The following DDX60L variants were observed in gnomAD, a reference collection of about 807,000 sequenced individuals.
DDX60L encodes the protein probable ATP-dependent RNA helicase DDX60-like.
Under a neutral mutation model 211.6 loss-of-function variants are expected in DDX60L, and 191 were observed. That is an observed-to-expected ratio of 0.90 (90% CI 0.80 to 1.02). The LOEUF (loss-of-function observed/expected upper bound fraction) is 1.02. Among genes scored for constraint, DDX60L ranks in the 50% least tolerant of loss-of-function variants. The probability of loss-of-function intolerance (pLI) is 0.00; values close to 1 mark genes in which losing one functional copy is unlikely to be tolerated. For missense variants in DDX60L, 2,007 were observed against 1,984.1 expected (o/e 1.01, Z -0.22); for synonymous variants, 706 against 694.1 (o/e 1.02, Z -0.27).
At chr4:168,464,925 A>G (rs62336672) in intron 4 of DDX60L, among the ~76,000 whole-genome samples, 20,234 of 152,026 alleles carry the variant, frequency 0.13, 1,874 homozygotes, top group Non-Finnish European at 0.19. Flanking sequence ...TTGTTTCCAT[A>G]TGTTGGCTAT....
intron 24 of DDX60L, among the ~76,000 whole-genome samples, chr4:168,405,012 AT>A (rs138575847): frequency 0.26 from 37,258 of 145,320 alleles, 4,440 homozygotes; most frequent in Middle Eastern, 0.29. Context: ...CATCAGTATC[AT>A]TTTTTTTTTT....
At chr4:168,419,638 T>A (rs1479524684) in intron 18 of DDX60L, among the ~76,000 whole-genome samples, 1 of 152,222 alleles carries the variant, frequency 6.6e-6, no homozygotes, top group African/African-American at 2.4e-5. Flanking sequence ...ATGTCTACTT[T>A]GTGAATTCAA....
Position 168,472,665 on chromosome 4 carries a change from T to C in DDX60L, c.4+31A>G, listed in dbSNP as rs370753408. On this transcript the variant is annotated intron_variant, in intron 2 of 37. Coordinates refer to ENST00000682922, the MANE Select transcript of DDX60L (RefSeq NM_001012967.3). ...AATATCTTACAAGATTGTTGCTTTA[T>C]AGGCTACAAATATCAAAGATTGAGA... 204 of 1,612,744 alleles carry C rather than the reference T, an allele frequency of 1.3e-4. No individual in the cohort carries two copies. The African/African-American group carries it at 1.8e-3, about 14-fold the overall frequency.
At chr4:168,368,105 T>C (rs1480225265) in intron 36 of DDX60L, among the ~76,000 whole-genome samples, 1 of 152,210 alleles carries the variant, frequency 6.6e-6, no homozygotes, top group African/African-American at 2.4e-5. Context: ...CTAACGTTAA[T>C]CCCCAAGACA....
chr4:168,415,525 C>A lies in DDX60L; in HGVS notation c.2870-8G>T. On this transcript the variant is annotated splice_region_variant and splice_polypyrimidine_tract_variant and intron_variant, in intron 21 of 37. Transcript: ENST00000682922. ...ATCTCTCTCCACAGAGCACTAGATACGAAGAGCAAGAATATCCAAATTAAT... is the reference window on the plus strand; with the variant it reads ...ATCTCTCTCCACAGAGCACTAGATAAGAAGAGCAAGAATATCCAAATTAAT... 1 of 1,539,260 alleles carries A rather than the reference C, an allele frequency of 6.5e-7. No individual in the cohort carries two copies. The highest frequency in any genetic ancestry group is 8.9e-7 in the Non-Finnish European group (1 of 1,122,510).
intron 7 of DDX60L, among the ~76,000 whole-genome samples, chr4:168,453,672 G>A (rs1185819734): frequency 6.6e-6 from 1 of 152,160 alleles, no homozygotes; most frequent in Admixed American, 6.6e-5. Context: ...CAATCTATCT[G>A]TAAAACGTAT....
intron 19 of DDX60L, among the ~76,000 whole-genome samples, chr4:168,417,143 A>T (rs1165843501): frequency 6.6e-6 from 1 of 152,154 alleles, no homozygotes; most frequent in Non-Finnish European, 1.5e-5. Flanking sequence ...CTTTCTTCAC[A>T]TCATAGCCCT....
chr4:168,454,758 CT>C lies in DDX60L; in HGVS notation c.837+1280del, dbSNP rs767461447. 7.8e-3 allele frequency among the ~76,000 whole-genome samples: 695 copies of C among 88,612 alleles called. 38 individuals carry two copies. Among genetic ancestry groups the C allele is most frequent in the Non-Finnish European group, 9.6e-3 (456 of 47,556 alleles). The allele number at this position is 88,612 out of a possible 152,430, so 58.1% of individuals were successfully genotyped here. On this transcript the variant is annotated intron_variant, in intron 7 of 37. Coordinates refer to ENST00000682922, the MANE Select transcript of DDX60L (RefSeq NM_001012967.3). ...GTGCTCCCGAAGAGTAAACAGCTTC[CT>C]TTTTTTTTTTTTTTTTTTTTAGCAG...
rs1355276159 is a variant in DDX60L, at chr4:168,357,728, T to C, written c.*419A>G. The C allele has an allele frequency of 1.9e-5, 3 of 160,650 alleles. No homozygotes were observed. The highest frequency in any genetic ancestry group is 4.8e-5 in the African/African-American group (2 of 41,498). 10.0% of individuals were successfully genotyped at this position (160,650 alleles called of 1,614,324 possible). On this transcript the variant is annotated 3_prime_UTR_variant, in exon 38 of 38. Coordinates refer to ENST00000682922, the MANE Select transcript of DDX60L (RefSeq NM_001012967.3). ...TACATAACTAAATTGTTGTTCAGAATTGATTTGGGTCCTTTGTGATTTATT... is the reference window on the plus strand; with the variant it reads ...TACATAACTAAATTGTTGTTCAGAACTGATTTGGGTCCTTTGTGATTTATT...
chr4:168,468,170 T>TAATAAATAAATA (rs74385831), intron 4 of DDX60L, among the ~76,000 whole-genome samples: 2,122 of 150,190 alleles, frequency 0.014, 24 homozygotes, highest in Middle Eastern at 0.031. Flanking sequence ...CCATCTCAAA[T>TAATAAATAAATA]AATAAATAAA....
chr4:168,423,602 T>TA lies in DDX60L; in HGVS notation c.2097+5_2097+6insT, dbSNP rs1751000631. ...TTTAAAGTATAAGAAATTCTAGTTCTCTTACCAGAGTTGGATCCAAAGAGT... is the reference window on the plus strand; with the variant it reads ...TTTAAAGTATAAGAAATTCTAGTTCTACTTACCAGAGTTGGATCCAAAGAGT... On this transcript the variant is annotated splice_donor_region_variant and intron_variant, in intron 15 of 37. Coordinates refer to ENST00000682922, the MANE Select transcript of DDX60L (RefSeq NM_001012967.3). The TA allele has an allele frequency of 9.7e-6, 15 of 1,550,444 alleles. No homozygotes were observed. The highest frequency in any genetic ancestry group is 2.8e-5 in the African/African-American group (2 of 72,316).
chr4:168,441,827 A>C (rs1411464303), intron 9 of DDX60L, among the ~76,000 whole-genome samples: 1 of 152,170 alleles, frequency 6.6e-6, no homozygotes, highest in African/African-American at 2.4e-5. Flanking sequence ...TGCCCAAAAA[A>C]TTAACAAAGG....
At chr4:168,425,735 C>T (rs896012598) in intron 14 of DDX60L, among the ~76,000 whole-genome samples, 1 of 151,972 alleles carries the variant, frequency 6.6e-6, no homozygotes, top group Non-Finnish European at 1.5e-5. Context: ...CTCTACTGCA[C>T]TCCAGCCTGG....
At chr4:168,438,122 C>T (rs1753321796) in intron 10 of DDX60L, among the ~76,000 whole-genome samples, 1 of 152,144 alleles carries the variant, frequency 6.6e-6, no homozygotes, top group East Asian at 1.9e-4. Context: ...ATCCCCCTGC[C>T]TCGGCCTCCC....
At chr4:168,381,160 C>A (rs887381548) in intron 30 of DDX60L, among the ~76,000 whole-genome samples, 1 of 152,162 alleles carries the variant, frequency 6.6e-6, no homozygotes, top group Non-Finnish European at 1.5e-5. Flanking sequence ...AATATGCAGC[C>A]TAGCCATGTG....
intron 17 of DDX60L, among the ~76,000 whole-genome samples, chr4:168,420,599 A>AAC (rs1270141870): frequency 4.3e-5 from 5 of 116,598 alleles, no homozygotes; most frequent in South Asian, 2.7e-4. Flanking sequence ...CTTGATTTTA[A>AAC]ACACACACAC....
At chr4:168,417,114 C>T (rs1749700644) in intron 19 of DDX60L, among the ~76,000 whole-genome samples, 1 of 152,114 alleles carries the variant, frequency 6.6e-6, no homozygotes, top group African/African-American at 2.4e-5. Flanking sequence ...TTTCTCTTAG[C>T]TTCCACTCTT....
chr4:168,468,408 T>TA (rs1256089049), intron 4 of DDX60L, among the ~76,000 whole-genome samples: 13 of 152,242 alleles, frequency 8.5e-5, no homozygotes, highest in African/African-American at 3.1e-4. Context: ...AGAGTTTCCA[T>TA]AAATGTAGAA....
At chr4:168,431,625 C>T (rs984342908) in intron 12 of DDX60L, among the ~76,000 whole-genome samples, 2 of 151,696 alleles carry the variant, frequency 1.3e-5, no homozygotes, top group South Asian at 2.1e-4. Context: ...ATGGGTGCAG[C>T]ACACCAGCAT....
Sources: gnomAD v4.1 joint callset for allele counts (sites outside exome capture counted in the v4.1 genomes callset) on GRCh38, gnomAD v4.1.1 for gene constraint, MANE v1.5 for transcripts, NCBI Gene and HGNC (gene_info 2026-07-23, HGNC 2026-07-21) for gene names.